Variants in TCF12 observed in about 807,000 individuals in gnomAD.
The protein encoded by TCF12 is DNA-binding protein HTF4.
A neutral mutation model predicts 86.0 loss-of-function variants in TCF12; 45 were observed. The ratio of observed to expected loss-of-function variants is 0.52; its 90% CI spans 0.41 to 0.67. The LOEUF (loss-of-function observed/expected upper bound fraction) is 0.67. Among genes scored for constraint, TCF12 ranks in the 30% least tolerant of loss-of-function variants. The pLI is 0.00. For synonymous variants in TCF12, 330 were observed against 299.6 expected (o/e 1.10, Z -1.05); for missense variants, 881 against 859.9 (o/e 1.02, Z -0.31).
At chr15:57,116,078 T>C (rs1344511563) in intron 5 of TCF12, among the ~76,000 whole-genome samples, 3 of 152,222 alleles carry the variant, frequency 2.0e-5, no homozygotes, top group Non-Finnish European at 4.4e-5. Flanking sequence ...GGGGCAGGTA[T>C]TGTTAGTCCC....
intron 8 of TCF12, among the ~76,000 whole-genome samples, chr15:57,223,499 TAGTC>T (rs2058698635): frequency 6.6e-6 from 1 of 152,018 alleles, no homozygotes; most frequent in Non-Finnish European, 1.5e-5. Context: ...TTGATGTGGT[TAGTC>T]AAGCAAATTT....
chr15:57,239,464 C>T (rs112323892), intron 12 of TCF12, among the ~76,000 whole-genome samples: 7,624 of 143,826 alleles, frequency 0.053, 549 homozygotes, highest in African/African-American at 0.17. Context: ...TGCAGTGAGC[C>T]GAGATCGTGC....
At chr15:57,113,112 GT>G (rs1272420199) in intron 5 of TCF12, among the ~76,000 whole-genome samples, 3 of 152,022 alleles carry the variant, frequency 2.0e-5, no homozygotes, top group Non-Finnish European at 4.4e-5. Flanking sequence ...CTCAAGCTTT[GT>G]TTTTTTCTCA....
chr15:56,938,886 G>T (rs2060603718), intron 3 of TCF12, among the ~76,000 whole-genome samples: 1 of 152,090 alleles, frequency 6.6e-6, no homozygotes, highest in African/African-American at 2.4e-5. Flanking sequence ...TCTGTGATTT[G>T]TCTCAGGACC....
At chr15:57,290,334 A>T (rs1597953458), downstream of TCF12, among the ~76,000 whole-genome samples, 2 of 141,842 alleles carry the variant, frequency 1.4e-5, no homozygotes, top group East Asian at 2.1e-4. Flanking sequence ...CAAGAGCAAA[A>T]CTGTCTCAAA....
intron 18 of TCF12, among the ~76,000 whole-genome samples, chr15:57,265,032 C>CT (rs201032660): frequency 2.0e-5 from 3 of 147,220 alleles, no homozygotes; most frequent in African/African-American, 2.5e-5. Flanking sequence ...ACCCGGCCAA[C>CT]TTTTTTTTTT....
chr15:56,944,149 T>C (rs2060896113), intron 3 of TCF12, among the ~76,000 whole-genome samples: 1 of 152,236 alleles, frequency 6.6e-6, no homozygotes, highest in African/African-American at 2.4e-5. Flanking sequence ...AGTTTTCATT[T>C]GTTGAGCTAT....
intron 2 of TCF12, among the ~76,000 whole-genome samples, chr15:56,920,321 T>C (rs778523126): frequency 1.6e-4 from 24 of 152,172 alleles, no homozygotes; most frequent in Admixed American, 6.5e-5. Context: ...TCTTGTACTT[T>C]ATATGAAAAA....
intron 3 of TCF12, among the ~76,000 whole-genome samples, chr15:57,032,261 A>T (rs1440531697): frequency 6.6e-6 from 1 of 152,322 alleles, no homozygotes; most frequent in East Asian, 1.9e-4. Flanking sequence ...CACCCACAGG[A>T]ATAATCCAAA....
At chr15:57,138,781 A>T (rs1351173926) in intron 5 of TCF12, among the ~76,000 whole-genome samples, 1 of 152,212 alleles carries the variant, frequency 6.6e-6, no homozygotes, top group African/African-American at 2.4e-5. Context: ...AGGTATTTTC[A>T]TTATAAGCCA....
intron 3 of TCF12, among the ~76,000 whole-genome samples, chr15:56,925,240 G>GCCCCCCCCCCCCCCCCCCCCCC (rs11465192): frequency 2.9e-4 from 40 of 136,254 alleles, no homozygotes; most frequent in East Asian, 4.3e-4. Context: ...GGTGTCCACC[G>GCCCCCCCCCCCCCCCCCCCCCC]CCCCCCCACC....
At chr15:56,958,440 CTG>C (rs1371056925) in intron 3 of TCF12, among the ~76,000 whole-genome samples, 1 of 152,146 alleles carries the variant, frequency 6.6e-6, no homozygotes, top group Non-Finnish European at 1.5e-5. Context: ...TTCTGTTACT[CTG>C]TCTTTATGGC....
intron 6 of TCF12, among the ~76,000 whole-genome samples, chr15:57,169,124 G>A (rs753188765): frequency 4.6e-5 from 7 of 152,248 alleles, no homozygotes; most frequent in Admixed American, 3.3e-4. Context: ...TAACTACAAA[G>A]AATCCTGTAG....
At chr15:57,020,232 G>A (rs2065393914) in intron 3 of TCF12, among the ~76,000 whole-genome samples, 1 of 152,208 alleles carries the variant, frequency 6.6e-6, no homozygotes, top group South Asian at 2.1e-4. Flanking sequence ...AGTCTTAACA[G>A]ATGTGGTTAG....
At chr15:56,934,086 A>T (rs1266052188) in intron 3 of TCF12, among the ~76,000 whole-genome samples, 1 of 152,140 alleles carries the variant, frequency 6.6e-6, no homozygotes, top group Admixed American at 6.5e-5. Context: ...ATAAATCCTC[A>T]GACATAGTCT....
chr15:56,960,880 C>T (rs1169532532), intron 3 of TCF12, among the ~76,000 whole-genome samples: 1 of 151,868 alleles, frequency 6.6e-6, no homozygotes, highest in African/African-American at 2.4e-5. Flanking sequence ...TGGCTCACAC[C>T]TGTAATCCCA....
At chr15:57,007,776 TTCTTTCTTTCTTTCTC>T (rs879315036) in intron 3 of TCF12, among the ~76,000 whole-genome samples, 13,486 of 72,542 alleles carry the variant, frequency 0.19, 913 homozygotes, top group East Asian at 0.26. Context: ...CTTTCTTTCT[TTCTTTCTTTCTTTCTC>T]TCTTTCTTTC....
At position 56,981,122 on chromosome 15, in the gene TCF12, G is replaced by A. The variant is rs570214016; in HGVS notation, c.148+60024G>A. Among the ~76,000 whole-genome samples the A allele has an allele frequency of 5.9e-5, 9 of 152,300 alleles. No individual in the cohort carries two copies. In the South Asian group the frequency reaches 1.0e-3, roughly 18 times the overall value. ...GTGGGGGACACTACATTTATCAGAG[G>A]CTACTGAAATAATAATCTTGCTTCA... On this transcript the variant is annotated intron_variant, in intron 3 of 20. Transcript: ENST00000333725.
At chr15:57,125,502 A>G (rs1254810844) in intron 5 of TCF12, among the ~76,000 whole-genome samples, 3 of 152,250 alleles carry the variant, frequency 2.0e-5, no homozygotes, top group African/African-American at 7.2e-5. Context: ...CATGAAATAA[A>G]TAAATAGAAA....
Sources: allele counts gnomAD v4.1 joint callset (sites outside exome capture counted in the v4.1 genomes callset), GRCh38; gene constraint gnomAD v4.1.1; transcripts MANE v1.5; gene names NCBI Gene and HGNC (gene_info 2026-07-23, HGNC 2026-07-21).